Variants in RAB11FIP2 observed in about 807,000 individuals in gnomAD.
RAB11FIP2 encodes the protein RAB11 family interacting protein 2.
Under a neutral mutation model 40.9 loss-of-function variants are expected in RAB11FIP2, and 16 were observed. That is an observed-to-expected ratio of 0.39 (90% CI 0.26 to 0.59). The LOEUF (loss-of-function observed/expected upper bound fraction) is 0.59, where lower values mean the gene tolerates loss of function less well. RAB11FIP2 is among the 20% of genes least tolerant of loss of function. RAB11FIP2 has a pLI of 0.53. For missense variants in RAB11FIP2, 532 were observed against 606.2 expected, an observed-to-expected ratio of 0.88 and a Z score of 1.28; for synonymous variants, 228 against 213.7, an observed-to-expected ratio of 1.07 and a Z score of -0.58.
intron 3 of RAB11FIP2, among the ~76,000 whole-genome samples, chr10:118,025,287 C>T (rs936960188): frequency 3.9e-5 from 6 of 152,012 alleles, no homozygotes; most frequent in Admixed American, 1.3e-4. Context: ...AATGTTTCTG[C>T]GTGAAGAAAA....
intron 3 of RAB11FIP2, among the ~76,000 whole-genome samples, chr10:118,024,310 C>T (rs183659061): frequency 2.0e-5 from 3 of 152,082 alleles, no homozygotes; most frequent in Admixed American, 1.3e-4. Flanking sequence ...TGAATTTTTG[C>T]ATTTTACTAA....
At chr10:118,031,224 C>T (rs1039823995) in intron 3 of RAB11FIP2, among the ~76,000 whole-genome samples, 4 of 151,028 alleles carry the variant, frequency 2.6e-5, no homozygotes, top group African/African-American at 4.8e-5. Context: ...ATGATGCCAA[C>T]GACTGAACTT....
At chr10:118,040,945 T>A (rs1846550905) in intron 1 of RAB11FIP2, among the ~76,000 whole-genome samples, 1 of 152,066 alleles carries the variant, frequency 6.6e-6, no homozygotes, top group African/African-American at 2.4e-5. Context: ...TAAAAGACAT[T>A]GAGGCAGAGA....
chr10:118,019,035 C>G (rs1846253520), intron 3 of RAB11FIP2, among the ~76,000 whole-genome samples: 1 of 151,222 alleles, frequency 6.6e-6, no homozygotes, highest in Admixed American at 6.6e-5. Flanking sequence ...AAAAAAAACC[C>G]TACATAAGAA....
intron 1 of RAB11FIP2, chr10:118,043,455 T>A (rs1395920855): frequency 6.6e-6 from 1 of 152,148 alleles, no homozygotes; most frequent in Non-Finnish European, 1.5e-5. Context: ...AACCCAGACA[T>A]CCTCTAAAGG....
At chr10:118,029,294 C>G (rs1184268713) in intron 3 of RAB11FIP2, among the ~76,000 whole-genome samples, 1 of 151,934 alleles carries the variant, frequency 6.6e-6, no homozygotes, top group Non-Finnish European at 1.5e-5. Context: ...ATGTTCCCTT[C>G]TTCTCCCTCC....
rs551495393 is a variant in RAB11FIP2, at chr10:118,024,916, C to T, written c.1266-9806G>A. 2.4e-4 allele frequency among the ~76,000 whole-genome samples: 37 copies of T among 152,268 alleles called. No individual in the cohort carries two copies. The South Asian group carries it at 3.5e-3, about 14-fold the overall frequency. ...CCCTGGCCAGCAAGCACCCACTTTC[C>T]TAGCCCCAGCCATCTCTGCAGAGGC... On this transcript the variant is annotated intron_variant, in intron 3 of 4. Transcript: ENST00000355624.
intron 1 of RAB11FIP2, among the ~76,000 whole-genome samples, chr10:118,043,944 T>C (rs1846594424): frequency 6.6e-6 from 1 of 152,220 alleles, no homozygotes; most frequent in African/African-American, 2.4e-5. Context: ...GGTCCCCATT[T>C]ATCCACAAAT....
At chr10:118,009,697 A>C (rs185776347) in intron 4 of RAB11FIP2, among the ~76,000 whole-genome samples, 4 of 152,276 alleles carry the variant, frequency 2.6e-5, no homozygotes, top group Admixed American at 2.6e-4. Flanking sequence ...AGATGGTTAC[A>C]GCAAAAATCT....
rs565313739 is a variant in RAB11FIP2 at position 118,024,110 on chromosome 10, T to C, written c.1266-9000A>G. Among the ~76,000 whole-genome samples the C allele has an allele frequency of 2.5e-3, 348 of 141,698 alleles. 1 individual carries two copies. Among genetic ancestry groups the C allele is most frequent in the African/African-American group, 8.6e-3 (332 of 38,822 alleles). The allele number at this position is 141,698 out of a possible 152,430, so 93.0% of individuals were successfully genotyped here. ...GTCTTAAAAAAAAAAAAAAAAAGAA[T>C]AGAATAGAAATAATTATTTCAAAGA... is the stretch of plus-strand genomic sequence containing the variant. On this transcript the variant is annotated intron_variant, in intron 3 of 4. Coordinates refer to ENST00000355624, the MANE Select transcript of RAB11FIP2 (RefSeq NM_014904.3).
At chr10:118,040,887 T>C (rs954330057) in intron 1 of RAB11FIP2, among the ~76,000 whole-genome samples, 1 of 152,172 alleles carries the variant, frequency 6.6e-6, no homozygotes, top group African/African-American at 2.4e-5. Flanking sequence ...AAGTTTTCCA[T>C]ATGGGATTAA....
At chr10:118,012,925 C>T (rs1465518449) in intron 4 of RAB11FIP2, among the ~76,000 whole-genome samples, 1 of 152,018 alleles carries the variant, frequency 6.6e-6, no homozygotes, top group Non-Finnish European at 1.5e-5. Context: ...TGTCCATATG[C>T]AGACATAGAA....
intron 3 of RAB11FIP2, chr10:118,018,255 CT>C (rs1846245029): frequency 6.6e-6 from 1 of 152,230 alleles, no homozygotes; most frequent in Non-Finnish European, 1.5e-5. Context: ...GTTAACTGAA[CT>C]GGATTGAATT....
Position 118,008,860 on chromosome 10 carries a change from G to A in RAB11FIP2, c.*138C>T. 1.4e-6 allele frequency: 1 copy of A among 696,086 alleles called. No individual in the cohort carries two copies. 43.1% of individuals were successfully genotyped at this position (696,086 alleles called of 1,614,324 possible). On this transcript the variant is annotated 3_prime_UTR_variant, in exon 5 of 5. Coordinates refer to ENST00000355624, the MANE Select transcript of RAB11FIP2 (RefSeq NM_014904.3). The stretch of plus-strand genomic sequence containing the variant: ...TGATAGTCCCTGCTAATATTTACAG[G>A]TAAAACTACTCTTCACAATAAAGGA...
At chr10:118,026,250 T>C (rs1169485836) in intron 3 of RAB11FIP2, among the ~76,000 whole-genome samples, 1 of 152,236 alleles carries the variant, frequency 6.6e-6, no homozygotes, top group Non-Finnish European at 1.5e-5. Flanking sequence ...TAAAATGACG[T>C]GACGACAGTC....
At chr10:118,013,516 T>C (rs573114630) in intron 4 of RAB11FIP2, among the ~76,000 whole-genome samples, 1 of 152,222 alleles carries the variant, frequency 6.6e-6, no homozygotes, top group East Asian at 1.9e-4. Flanking sequence ...TGGATGGCTA[T>C]TATTGGAGAA....
At chr10:118,019,340 C>T (rs1435561682) in intron 3 of RAB11FIP2, among the ~76,000 whole-genome samples, 1 of 152,086 alleles carries the variant, frequency 6.6e-6, no homozygotes, top group Non-Finnish European at 1.5e-5. Context: ...AGGAGGTGTG[C>T]CACCTGGCTG....
intron 3 of RAB11FIP2, chr10:118,033,990 C>G (rs1846449658): frequency 1.4e-6 from 1 of 702,062 alleles, no homozygotes; most frequent in Non-Finnish European, 2.6e-6. Context: ...ACAGCTCTGC[C>G]CATCTCAAAG....
At chr10:118,025,862 C>T (rs1230780071) in intron 3 of RAB11FIP2, among the ~76,000 whole-genome samples, 4 of 152,182 alleles carry the variant, frequency 2.6e-5, no homozygotes, top group Admixed American at 6.5e-5. Flanking sequence ...CCTAGACTGC[C>T]TAACCTTATC....
Sources: gnomAD v4.1 joint callset for allele counts (sites outside exome capture counted in the v4.1 genomes callset) on GRCh38, gnomAD v4.1.1 for gene constraint, MANE v1.5 for transcripts, NCBI Gene and HGNC (gene_info 2026-07-23, HGNC 2026-07-21) for gene names.